The following RAB43 variants were observed in gnomAD, a reference collection of about 807,000 sequenced individuals.
RAB43 encodes ras-related protein Rab-43.
Under a neutral mutation model 18.8 loss-of-function variants are expected in RAB43, and 6 were observed. That is an observed-to-expected ratio of 0.32 (90% CI 0.17 to 0.63). The LOEUF (loss-of-function observed/expected upper bound fraction) is 0.63. Among genes scored for constraint, RAB43 ranks in the 30% least tolerant of loss-of-function variants. The pLI is 0.79. For missense variants in RAB43, 195 were observed against 289.1 expected, an observed-to-expected ratio of 0.67 and a Z score of 2.36; for synonymous variants, 103 against 124.1, an observed-to-expected ratio of 0.83 and a Z score of 1.13.
chr3:129,118,093 T>C (rs373271888), intron 1 of RAB43, among the ~76,000 whole-genome samples: 2 of 152,318 alleles, frequency 1.3e-5, no homozygotes, highest in Middle Eastern at 3.4e-3. Context: ...AATGATGAAG[T>C]AGCAGTTACG....
intron 1 of RAB43, among the ~76,000 whole-genome samples, chr3:129,104,083 G>A (rs560516187): frequency 1.5e-4 from 23 of 152,328 alleles, no homozygotes; most frequent in African/African-American, 3.8e-4. Flanking sequence ...CATGTAGAAG[G>A]TGCCCGACAG....
chr3:129,120,128 C>G (rs187710945), intron 1 of RAB43, among the ~76,000 whole-genome samples: 7 of 152,318 alleles, frequency 4.6e-5, no homozygotes, highest in Non-Finnish European at 7.3e-5. Context: ...GTTTCTGCTT[C>G]CCCGTCACAT....
intron 1 of RAB43, among the ~76,000 whole-genome samples, chr3:129,097,287 C>T (rs1054401651): frequency 1.3e-5 from 2 of 152,168 alleles, no homozygotes; most frequent in African/African-American, 2.4e-5. Flanking sequence ...TGGAGCAGAG[C>T]AGACCACACT....
intron 1 of RAB43, among the ~76,000 whole-genome samples, chr3:129,120,710 G>A (rs1176866251): frequency 1.3e-5 from 2 of 152,192 alleles, no homozygotes; most frequent in East Asian, 3.8e-4. Flanking sequence ...GGCCCTAGTC[G>A]AGTAAAGTTC....
At chr3:129,106,653 C>T (rs935108646) in intron 1 of RAB43, among the ~76,000 whole-genome samples, 2 of 152,202 alleles carry the variant, frequency 1.3e-5, no homozygotes, top group African/African-American at 4.8e-5. Flanking sequence ...GGACCAGCGA[C>T]ACAGGCTGGC....
intron 2 of RAB43, chr3:129,092,447 G>T: frequency 1.5e-6 from 1 of 674,642 alleles, no homozygotes; most frequent in South Asian, 1.6e-5. Context: ...GCAGGGTAAT[G>T]GGTACCTGGG....
At chr3:129,100,471 A>G (rs1458067864) in intron 1 of RAB43, among the ~76,000 whole-genome samples, 1 of 152,228 alleles carries the variant, frequency 6.6e-6, no homozygotes, top group African/African-American at 2.4e-5. Flanking sequence ...GGTTGGCAAT[A>G]TCCTAAGACC....
At chr3:129,109,734 T>G (rs1227325414) in intron 1 of RAB43, among the ~76,000 whole-genome samples, 1 of 150,962 alleles carries the variant, frequency 6.6e-6, no homozygotes, top group Non-Finnish European at 1.5e-5. Flanking sequence ...AGTGAGAGAC[T>G]CCATCTAAAA....
intron 1 of RAB43, among the ~76,000 whole-genome samples, chr3:129,112,304 A>G (rs74388944): frequency 0.026 from 3,934 of 152,152 alleles, 122 homozygotes; most frequent in East Asian, 0.11. Context: ...CCCCAAAATC[A>G]AAGTTTTTAA....
At chr3:129,115,832 T>C (rs1284927795) in intron 1 of RAB43, among the ~76,000 whole-genome samples, 1 of 151,992 alleles carries the variant, frequency 6.6e-6, no homozygotes, top group Admixed American at 6.6e-5. Flanking sequence ...AAAAAACAAA[T>C]AAAAATATTA....
At chr3:129,100,819 T>G (rs931782358) in intron 1 of RAB43, among the ~76,000 whole-genome samples, 3 of 152,230 alleles carry the variant, frequency 2.0e-5, no homozygotes, top group African/African-American at 7.2e-5. Context: ...TGTTTTTCTT[T>G]TTTTTTGAGA....
intron 1 of RAB43, among the ~76,000 whole-genome samples, chr3:129,097,778 C>T (rs541869409): frequency 2.6e-5 from 4 of 152,230 alleles, no homozygotes; most frequent in African/African-American, 7.2e-5. Context: ...CCACACACAC[C>T]ACAGGACTGG....
intron 1 of RAB43, among the ~76,000 whole-genome samples, chr3:129,112,371 T>C (rs554094450): frequency 6.6e-6 from 1 of 152,152 alleles, no homozygotes; most frequent in Non-Finnish European, 1.5e-5. Flanking sequence ...TTATACTCCA[T>C]GGCCATAAAA....
chr3:129,111,370 C>T (rs1474161110), intron 1 of RAB43, among the ~76,000 whole-genome samples: 2 of 151,946 alleles, frequency 1.3e-5, no homozygotes, highest in Non-Finnish European at 2.9e-5. Flanking sequence ...TAAAAATTAG[C>T]CGGGCGTAGT....
Position 129,090,749 on chromosome 3 carries a change from A to G in RAB43, c.*347T>C, listed in dbSNP as rs1933592319. 4.2e-6 allele frequency: 1 copy of G among 239,762 alleles called. No homozygotes were observed. The highest frequency in any genetic ancestry group is 8.2e-6 in the Non-Finnish European group (1 of 122,524). The allele number at this position is 239,762 out of a possible 1,614,324, so 14.9% of individuals were successfully genotyped here. A position where few individuals can be genotyped will look rare whatever the true frequency, so the allele number is the denominator to read the frequency against. On this transcript the variant is annotated 3_prime_UTR_variant, in exon 3 of 3. Transcript: ENST00000315150. ...AAGCAGCAACCTGCTGCCACAGGTAAAGCAAACCCATGAGAGGAAACGGTC... is the reference window on the plus strand; with the variant it reads ...AAGCAGCAACCTGCTGCCACAGGTAGAGCAAACCCATGAGAGGAAACGGTC...
chr3:129,116,408 C>T (rs1287264067), intron 1 of RAB43, among the ~76,000 whole-genome samples: 1 of 152,234 alleles, frequency 6.6e-6, no homozygotes, highest in East Asian at 1.9e-4. Flanking sequence ...CCTAGAACTT[C>T]TTTCTTATCT....
At chr3:129,115,676 C>T (rs1172601407) in intron 1 of RAB43, among the ~76,000 whole-genome samples, 2 of 151,964 alleles carry the variant, frequency 1.3e-5, no homozygotes, top group African/African-American at 4.8e-5. Context: ...CAAAAATTAG[C>T]TGGGTGTGGT....
At chr3:129,113,975 C>T (rs1244739507) in intron 1 of RAB43, among the ~76,000 whole-genome samples, 3 of 151,962 alleles carry the variant, frequency 2.0e-5, no homozygotes, top group East Asian at 1.9e-4. Context: ...TGCAGTGAGC[C>T]GGGATCACGC....
At chr3:129,100,000 T>C (rs1443335518) in intron 1 of RAB43, among the ~76,000 whole-genome samples, 1 of 152,026 alleles carries the variant, frequency 6.6e-6, no homozygotes, top group Non-Finnish European at 1.5e-5. Context: ...TGATGAAACA[T>C]ACCTGGCTTA....
Sources: allele counts gnomAD v4.1 joint callset (sites outside exome capture counted in the v4.1 genomes callset), GRCh38; gene constraint gnomAD v4.1.1; transcripts MANE v1.5; gene names NCBI Gene and HGNC (gene_info 2026-07-23, HGNC 2026-07-21).